Variants in GPATCH11 observed in about 807,000 individuals in gnomAD.
GPATCH11 encodes the protein G patch domain-containing protein 11.
GPATCH11 carries 32 observed loss-of-function variants against 44.8 expected under a neutral mutation model. The observed-to-expected ratio is 0.71, with a 90% CI of 0.54 to 0.96. GPATCH11 has a LOEUF of 0.96. Among genes scored for constraint, GPATCH11 ranks in the 40% least tolerant of loss-of-function variants. The pLI is 0.00. For missense variants in GPATCH11, 324 were observed against 303.1 expected, an observed-to-expected ratio of 1.07 and a Z score of -0.51; for synonymous variants, 84 against 94.4, an observed-to-expected ratio of 0.89 and a Z score of 0.64.
chr2:37,089,519 A>G, intron 2 of GPATCH11, 121 bp from the exon 3 acceptor site: 1 of 732,188 alleles, frequency 1.4e-6, no homozygotes, highest in Non-Finnish European at 2.2e-6. Context: ...GTGAGCCAAG[A>G]TTATGCCATT....
rs117793944 is a variant in GPATCH11, at chr2:37,096,981, A to C, written c.*718A>C. 2.6e-5 allele frequency: 4 copies of C among 152,314 alleles called. No homozygotes were observed. In the East Asian group the frequency reaches 7.7e-4, roughly 29 times the overall value. The allele number at this position is 152,314 out of a possible 1,614,324, so 9.4% of individuals were successfully genotyped here. A position where few individuals can be genotyped will look rare whatever the true frequency, so the allele number is the denominator to read the frequency against. On this transcript the variant is annotated 3_prime_UTR_variant, in exon 9 of 9. Transcript: ENST00000674370. ...CCTCAATAAGGCTGATGTCAGAGGC[A>C]ATGTTCGACCAGTACTACTAAATTC...
At chr2:37,090,187 T>C (rs561373308) in intron 3 of GPATCH11, among the ~76,000 whole-genome samples, 1 of 152,318 alleles carries the variant, frequency 6.6e-6, no homozygotes, top group South Asian at 2.1e-4. Context: ...CTAAATACAT[T>C]GAAACAACAC....
intron 4 of GPATCH11, 115 bp downstream of exon 4, chr2:37,090,837 T>G (rs1673284076): frequency 1.1e-5 from 6 of 566,702 alleles, no homozygotes; most frequent in Non-Finnish European, 1.8e-5. Context: ...TACAGTTCAG[T>G]AAAATTTTGT....
intron 6 of GPATCH11, among the ~76,000 whole-genome samples, chr2:37,093,561 A>G (rs999268829): frequency 1.3e-5 from 2 of 152,168 alleles, no homozygotes; most frequent in Non-Finnish European, 2.9e-5. Flanking sequence ...TTTTGTACCC[A>G]TAGCCTATCT....
intron 7 of GPATCH11, 115 bp from the exon 8 acceptor site, chr2:37,095,322 A>T: frequency 7.9e-7 from 1 of 1,263,702 alleles, no homozygotes; most frequent in Non-Finnish European, 1.1e-6. Context: ...TCTAATAACT[A>T]TTCCAGAGTA....
intron 3 of GPATCH11, among the ~76,000 whole-genome samples, chr2:37,090,220 C>T (rs765717439): frequency 6.6e-6 from 1 of 152,240 alleles, no homozygotes; most frequent in African/African-American, 2.4e-5. Context: ...CAAGACTTTG[C>T]CCTGCTTGCT....
chr2:37,091,907 T>C lies in GPATCH11; in HGVS notation c.329-9T>C, dbSNP rs777062849. ...GGATGTTTCTCATCAGAATTTTCTG[T>C]TTGAATAGGGAAAAGTGGCATTGGT... On this transcript the variant is annotated splice_polypyrimidine_tract_variant and intron_variant, in intron 4 of 8. Coordinates refer to ENST00000674370, the MANE Select transcript of GPATCH11 (RefSeq NM_174931.4). The C allele has an allele frequency of 3.4e-5, 55 of 1,605,436 alleles. No individual in the cohort carries two copies. Among genetic ancestry groups the C allele is most frequent in the Admixed American group, 1.5e-4 (9 of 59,060 alleles).
chr2:37,091,806 T>C (rs1163432272), intron 4 of GPATCH11, 110 bp from the exon 5 acceptor site: 8 of 946,084 alleles, frequency 8.5e-6, no homozygotes, highest in Non-Finnish European at 1.2e-5. Context: ...AAATGATTTG[T>C]GAGTGATAGT....
At chr2:37,086,623 AC>A (rs1383577116) in intron 1 of GPATCH11, among the ~76,000 whole-genome samples, 1 of 152,082 alleles carries the variant, frequency 6.6e-6, no homozygotes, top group African/African-American at 2.4e-5. Context: ...ACATGGCAAA[AC>A]CCTGTCTCTA....
intron 1 of GPATCH11, 66 bp downstream of exon 1, chr2:37,084,636 G>T: frequency 8.5e-7 from 1 of 1,178,152 alleles, no homozygotes; most frequent in East Asian, 3.2e-5. Flanking sequence ...GAGTGCGCTG[G>T]CCATGACTAC....
chr2:37,091,694 G>A (rs1358732940), intron 4 of GPATCH11, among the ~76,000 whole-genome samples: 2 of 151,994 alleles, frequency 1.3e-5, no homozygotes, highest in Non-Finnish European at 2.9e-5. Context: ...TTGAAAAATT[G>A]TTTATAATAT....
At position 37,097,385 on chromosome 2, in the gene GPATCH11, C is replaced by T. The variant is rs1053965369; in HGVS notation, c.*1122C>T. ...GAGAGCTCCATCCAGGGTGAGGCAT[C>T]AAAATCATGAACCTTTTTAAAAGTT... On this transcript the variant is annotated 3_prime_UTR_variant, in exon 9 of 9. Coordinates refer to ENST00000674370, the MANE Select transcript of GPATCH11 (RefSeq NM_174931.4). 1.3e-5 allele frequency: 2 copies of T among 152,194 alleles called. No individual in the cohort carries two copies. Among genetic ancestry groups the T allele is most frequent in the African/African-American group, 4.8e-5 (2 of 41,450 alleles). The allele number at this position is 152,194 out of a possible 1,614,324, so 9.4% of individuals were successfully genotyped here. A position where few individuals can be genotyped will look rare whatever the true frequency, so the allele number is the denominator to read the frequency against.
intron 8 of GPATCH11, among the ~76,000 whole-genome samples, chr2:37,095,903 A>G (rs1007871289): frequency 2.6e-5 from 4 of 152,182 alleles, no homozygotes; most frequent in African/African-American, 7.2e-5. Context: ...TAAAAATCAG[A>G]TATGTTGAAA....
intron 3 of GPATCH11, 122 bp downstream of exon 3, chr2:37,089,988 G>A: frequency 1.4e-6 from 1 of 723,524 alleles, no homozygotes; most frequent in Non-Finnish European, 2.3e-6. Flanking sequence ...AGGCTTTTTA[G>A]TCTATTATGT....
chr2:37,089,609 C>G (rs1227663856), intron 2 of GPATCH11, 31 bp from the exon 3 acceptor site: 3 of 1,317,650 alleles, frequency 2.3e-6, no homozygotes, highest in Non-Finnish European at 3.2e-6. Context: ...ACTTTATGGA[C>G]TCATCTAAAA....
Position 37,092,226 on chromosome 2 carries a change from C to T in GPATCH11, c.511C>T (p.Arg171Ter), listed in dbSNP as rs200868969. 54 of 1,523,692 alleles carry T rather than the reference C, an allele frequency of 3.5e-5. No individual in the cohort carries two copies. The highest frequency in any genetic ancestry group is 4.8e-5 in the East Asian group (2 of 42,044). The allele number at this position is 1,523,692 out of a possible 1,614,324, so 94.4% of individuals were successfully genotyped here. A position where few individuals can be genotyped will look rare whatever the true frequency, so the allele number is the denominator to read the frequency against. The change falls in exon 6 of 9, where the codon CGA becomes TGA. Residue 171 changes from arginine to a stop codon, truncating the protein, a stop_gained. Coordinates refer to ENST00000674370, the MANE Select transcript of GPATCH11 (RefSeq NM_174931.4). LOFTEE classifies it high-confidence loss of function. ...KLEGDLRRSQ[R>*]ACQQLDVQKN... The stretch of plus-strand genomic sequence containing the variant: ...AGAAGGAGATCTCAGAAGAAGCCAG[C>T]GAGCCTGTCAACAACTGGATGTCCA...
rs1673660111 is a variant in GPATCH11 at position 37,097,733 on chromosome 2, C to T, written c.*1470C>T. The T allele has an allele frequency of 6.6e-6, 1 of 152,242 alleles. No homozygotes were observed. Among genetic ancestry groups the T allele is most frequent in the African/African-American group, 2.4e-5 (1 of 41,472 alleles). The allele number at this position is 152,242 out of a possible 1,614,324, so 9.4% of individuals were successfully genotyped here. On this transcript the variant is annotated 3_prime_UTR_variant, in exon 9 of 9. Coordinates refer to ENST00000674370, the MANE Select transcript of GPATCH11 (RefSeq NM_174931.4). ...TCAGTAGTACAATTTGTATTAATCTCTGACCTAATATGACCTAATTCACTT... is the reference window on the plus strand; with the variant it reads ...TCAGTAGTACAATTTGTATTAATCTTTGACCTAATATGACCTAATTCACTT...
intron 4 of GPATCH11, among the ~76,000 whole-genome samples, chr2:37,091,356 T>A (rs1292362010): frequency 1.3e-5 from 2 of 149,508 alleles, no homozygotes; most frequent in Non-Finnish European, 3.0e-5. Context: ...GCCAGGAATT[T>A]GAGACCAGCC....
At chr2:37,091,195 A>C (rs906244762) in intron 4 of GPATCH11, among the ~76,000 whole-genome samples, 1 of 152,082 alleles carries the variant, frequency 6.6e-6, no homozygotes, top group Admixed American at 6.6e-5. Flanking sequence ...ATGGTGGTGC[A>C]TGCCTGTAAT....
Sources: allele counts gnomAD v4.1 joint callset (sites outside exome capture counted in the v4.1 genomes callset), GRCh38; gene constraint gnomAD v4.1.1; transcripts MANE v1.5; gene names NCBI Gene and HGNC (gene_info 2026-07-23, HGNC 2026-07-21).